The following SLCO1B1 variants were observed in gnomAD, a reference collection of about 807,000 sequenced individuals.
SLCO1B1 encodes the protein solute carrier organic anion transporter family member 1B1.
In SLCO1B1, 81 loss-of-function variants were observed where a neutral mutation model predicts 70.1. The observed-to-expected ratio is 1.16, with a 90% CI of 0.97 to 1.39. SLCO1B1 has a LOEUF of 1.39. Ranked by LOEUF, SLCO1B1 falls within the 40% of genes most tolerant of loss-of-function variation. The probability of loss-of-function intolerance (pLI) is 0.00; values close to 1 mark genes in which losing one functional copy is unlikely to be tolerated. For synonymous variants in SLCO1B1, 283 were observed against 271.5 expected, an observed-to-expected ratio of 1.04 and a Z score of -0.42; for missense variants, 895 against 799.6, an observed-to-expected ratio of 1.12 and a Z score of -1.44.
intron 2 of SLCO1B1, among the ~76,000 whole-genome samples, chr12:21,148,290 A>T (rs984619026): frequency 2.0e-5 from 3 of 152,180 alleles, no homozygotes; most frequent in Non-Finnish European, 2.9e-5. Context: ...GTCCATGCCT[A>T]TGTCCTGAAT....
intron 2 of SLCO1B1, among the ~76,000 whole-genome samples, chr12:21,152,533 C>CTGTTTTTTTTTTTTTTTTT (rs1940484981): frequency 1.2e-4 from 4 of 34,348 alleles, no homozygotes; most frequent in Admixed American, 5.7e-4. Context: ...AGAGGAGAGG[C>CTGTTTTTTTTTTTTTTTTT]TTTTTTTTTT....
chr12:21,139,623 T>A (rs1377466420), intron 1 of SLCO1B1, among the ~76,000 whole-genome samples: 1 of 152,094 alleles, frequency 6.6e-6, no homozygotes, highest in Non-Finnish European at 1.5e-5. Flanking sequence ...ATTCACAGAT[T>A]CTATATAAGA....
At chr12:21,222,508 G>C in intron 13 of SLCO1B1, 144 bp downstream of exon 13, 2 of 216,894 alleles carry the variant, frequency 9.2e-6, no homozygotes, top group East Asian at 9.3e-5. Context: ...CTTTAATTAT[G>C]ATAGTAAATA....
In SLCO1B1 at chr12:21,154,782, T is replaced by C. The variant is rs190235778; in HGVS notation, c.84+13124T>C. Among the ~76,000 whole-genome samples the C allele has an allele frequency of 2.0e-5, 3 of 152,278 alleles. No individual in the cohort carries two copies. In the East Asian group the frequency reaches 5.8e-4, roughly 29 times the overall value. On this transcript the variant is annotated intron_variant, in intron 2 of 14. Coordinates refer to ENST00000256958, the MANE Select transcript of SLCO1B1 (RefSeq NM_006446.5). Reference sequence around the variant, plus strand: ...TATTTAAGCAATTCTTCCAAAATTGTTTCCAGTACGTGTTTGGTTGCAGTA... The same window carrying C: ...TATTTAAGCAATTCTTCCAAAATTGCTTCCAGTACGTGTTTGGTTGCAGTA...
At chr12:21,225,211 A>T (rs1001600991) in intron 14 of SLCO1B1, among the ~76,000 whole-genome samples, 1 of 152,116 alleles carries the variant, frequency 6.6e-6, no homozygotes, top group African/African-American at 2.4e-5. Context: ...ACACAGACAT[A>T]TATATATGCA....
In SLCO1B1 at chr12:21,217,252, A is replaced by T; in HGVS notation, c.1631A>T (p.Asn544Ile). ...TTTTTTGTTGCAATACAAGTCTTGA[A>T]TTTATTTTTCTCTGCACTTGGAGGC... Reference protein sequence around the residue: ...FYFFVAIQVLNLFFSALGGTS... With the variant: ...FYFFVAIQVLILFFSALGGTS... The change falls in exon 12 of 15, where the codon AAT becomes ATT. Residue 544 changes from asparagine (N) to isoleucine (I), a missense_variant. By Grantham distance (149) the Asn-to-Ile change is moderately radical. Coordinates refer to ENST00000256958, the MANE Select transcript of SLCO1B1 (RefSeq NM_006446.5). 6.2e-7 allele frequency: 1 copy of T among 1,613,748 alleles called. No individual in the cohort carries two copies. The highest frequency in any genetic ancestry group is 8.5e-7 in the Non-Finnish European group (1 of 1,179,770).
At position 21,176,804 on chromosome 12, in the gene SLCO1B1, A is replaced by G. The variant is rs2306283; in HGVS notation, c.388A>G (p.Asn130Asp). The change falls in exon 5 of 15, where the codon AAT becomes GAT. Residue 130 changes from asparagine to aspartate, a missense_variant. Asn to Asp is a conservative substitution (Grantham distance 23, BLOSUM62 1). Transcript: ENST00000256958. ...YYRYSKETNI[N>D]SSENSTSTLS... The stretch of plus-strand genomic sequence containing the variant: ...CAGGTATTCTAAAGAAACTAATATC[A>G]ATTCATCAGAAAATTCAACATCGAC... 629,482 of 1,504,300 alleles carry G rather than the reference A, an allele frequency of 0.42. 143,945 individuals carry two copies. The highest frequency in any genetic ancestry group is 0.77 in the African/African-American group (56,528 of 73,026). 93.2% of individuals were successfully genotyped at this position (1,504,300 alleles called of 1,614,324 possible).
At chr12:21,203,216 G>C (rs908761987) in intron 10 of SLCO1B1, among the ~76,000 whole-genome samples, 6 of 151,756 alleles carry the variant, frequency 4.0e-5, no homozygotes, top group African/African-American at 1.5e-4. Context: ...TTTCTTTTTT[G>C]CAAGCTAATA....
At chr12:21,131,424 A>G (rs1044086247) in intron 1 of SLCO1B1, among the ~76,000 whole-genome samples, 188 bp downstream of exon 1, 5 of 152,192 alleles carry the variant, frequency 3.3e-5, no homozygotes, top group East Asian at 3.9e-4. Flanking sequence ...AGGTTTATAT[A>G]CTGTTAAAAA....
At position 21,172,688 on chromosome 12, in the gene SLCO1B1, G is replaced by A. The variant is rs756685161; in HGVS notation, c.123G>A (p.Lys41=). Residue 41 remains lysine, a synonymous_variant, in exon 3 of 15, where the codon AAG becomes AAA. Coordinates refer to ENST00000256958, the MANE Select transcript of SLCO1B1 (RefSeq NM_006446.5). ...LAALSLSFIA[K]TLGAIIMKSS... ...CTCTGTCACTCAGCTTTATTGCTAA[G>A]ACACTAGGTGCAATTATTATGAAAA... 2 of 1,613,690 alleles carry A rather than the reference G, an allele frequency of 1.2e-6. No individual in the cohort carries two copies. The highest frequency in any genetic ancestry group is 1.1e-5 in the South Asian group (1 of 91,066).
Position 21,197,075 on chromosome 12 carries a change from C to T in SLCO1B1, c.857C>T (p.Pro286Leu). Residue 286 changes from proline (P) to leucine (L), a missense_variant, in exon 8 of 15, where the codon CCA becomes CTA. By Grantham distance (98) the Pro-to-Leu change is moderately conservative. Coordinates refer to ENST00000256958, the MANE Select transcript of SLCO1B1 (RefSeq NM_006446.5). ...FFFLPQTPNK[P>L]QKERKASLSL... ...TTCTTGCCCCAAACTCCAAATAAAC[C>T]ACAAAAAGAAAGAAAAGCTTCACTG... 6.2e-7 allele frequency: 1 copy of T among 1,613,428 alleles called. No homozygotes were observed. Among genetic ancestry groups the T allele is most frequent in the African/African-American group, 1.3e-5 (1 of 74,896 alleles).
At chr12:21,143,211 G>T (rs1217424545) in intron 2 of SLCO1B1, among the ~76,000 whole-genome samples, 1 of 151,936 alleles carries the variant, frequency 6.6e-6, no homozygotes, top group Non-Finnish European at 1.5e-5. Flanking sequence ...AACATAATGG[G>T]AGAAAATTTT....
chr12:21,221,160 C>G (rs1015018385), intron 12 of SLCO1B1, among the ~76,000 whole-genome samples: 3 of 152,032 alleles, frequency 2.0e-5, no homozygotes, highest in African/African-American at 7.2e-5. Flanking sequence ...AAGGAACATA[C>G]CTCAAAATAA....
intron 2 of SLCO1B1, among the ~76,000 whole-genome samples, chr12:21,159,990 A>G (rs7138177): frequency 0.17 from 26,272 of 151,772 alleles, 2,897 homozygotes; most frequent in African/African-American, 0.32. Context: ...AAACAAAGAG[A>G]AAAACATGCT....
intron 1 of SLCO1B1, 124 bp downstream of exon 1, chr12:21,131,360 C>A (rs1282836200): frequency 6.6e-6 from 1 of 152,044 alleles, no homozygotes; most frequent in Non-Finnish European, 1.5e-5. Context: ...CACACGCTTA[C>A]ATTCTGAGCC....
At chr12:21,217,026 C>T (rs1406750068) in intron 11 of SLCO1B1, 93 bp from the exon 12 acceptor site, 1 of 921,760 alleles carries the variant, frequency 1.1e-6, no homozygotes, top group Non-Finnish European at 1.8e-6. Context: ...TTAGTTTGAA[C>T]AAGTGAGACT....
chr12:21,208,358 A>T (rs1485454196), intron 11 of SLCO1B1, among the ~76,000 whole-genome samples: 1 of 152,078 alleles, frequency 6.6e-6, no homozygotes, highest in Non-Finnish European at 1.5e-5. Flanking sequence ...TTAGCCAGTT[A>T]TTCCAGCACC....
intron 2 of SLCO1B1, among the ~76,000 whole-genome samples, chr12:21,158,240 T>C (rs1190770499): frequency 1.3e-5 from 2 of 152,208 alleles, no homozygotes; most frequent in East Asian, 1.9e-4. Context: ...TATGTTGACG[T>C]CATTAGCAGA....
At chr12:21,156,114 T>C (rs1008939363) in intron 2 of SLCO1B1, among the ~76,000 whole-genome samples, 1 of 151,906 alleles carries the variant, frequency 6.6e-6, no homozygotes, top group Non-Finnish European at 1.5e-5. Flanking sequence ...TCAATACAAG[T>C]AGTATTGTGA....
Sources: gnomAD v4.1 joint callset for allele counts (sites outside exome capture counted in the v4.1 genomes callset) on GRCh38, gnomAD v4.1.1 for gene constraint, MANE v1.5 for transcripts, NCBI Gene and HGNC (gene_info 2026-07-23, HGNC 2026-07-21) for gene names.